SPEGNB: variants seen among roughly 807,000 people sequenced by gnomAD.
SPEGNB encodes the protein SPEG neighbor protein.
In SPEGNB, 12 loss-of-function variants were observed where a neutral mutation model predicts 18.3. The observed-to-expected ratio is 0.65, with a 90% CI of 0.42 to 1.06. The LOEUF is 1.06. SPEGNB is among the 50% of genes least tolerant of loss of function. The pLI is 0.00. For synonymous variants in SPEGNB, 113 were observed against 138.8 expected (o/e 0.81, Z 1.31); for missense variants, 273 against 329.3 (o/e 0.83, Z 1.32).
chr2:219,498,039 G>T lies in SPEGNB; in HGVS notation c.579-12G>T. 7.7e-7 allele frequency: 1 copy of T among 1,298,618 alleles called. No homozygotes were observed. The highest frequency in any genetic ancestry group is 1.0e-6 in the Non-Finnish European group (1 of 985,790). 80.4% of individuals were successfully genotyped at this position (1,298,618 alleles called of 1,614,324 possible). A position where few individuals can be genotyped will look rare whatever the true frequency, so the allele number is the denominator to read the frequency against. ...CCACGGCTCCGCCCTCCTCCCCGCC[G>T]CCCTTCCGCAGGGTGTTCTTCGAGA... On this transcript the variant is annotated splice_polypyrimidine_tract_variant and intron_variant, in intron 4 of 4. Transcript: ENST00000651166.
At position 219,496,303 on chromosome 2, in the gene SPEGNB, G is replaced by A. The variant is rs979940441; in HGVS notation, c.1-52G>A. ...TGACCAGGGAGGAAAAGGGCTGAAG[G>A]TGGGAGCCTCTGTCTCAACCTGGAC... On this transcript the variant is annotated intron_variant, in intron 1 of 4. Coordinates refer to ENST00000651166, the MANE Select transcript of SPEGNB (RefSeq NM_001286811.2). The A allele has an allele frequency of 7.8e-6, 9 of 1,159,794 alleles. No homozygotes were observed. The Admixed American group carries it at 1.3e-4, about 17-fold the overall frequency. The allele number at this position is 1,159,794 out of a possible 1,614,324, so 71.8% of individuals were successfully genotyped here.
chr2:219,497,883 A>C, intron 4 of SPEGNB, 22 bp downstream of exon 4: 1 of 1,303,062 alleles, frequency 7.7e-7, no homozygotes, highest in Non-Finnish European at 1.0e-6. Context: ...GACCTGCGGC[A>C]CGGCCAGGGC....
In SPEGNB at chr2:219,496,365, C is replaced by T; in HGVS notation, c.11C>T (p.Ala4Val). Reference protein sequence around the residue: MSKAAPAKKPVAVA... With the variant: MSKVAPAKKPVAVA... ...TCGCCCACTCCCCAGATGTCTAAAGCAGCTCCTGCCAAAAAGCCAGTGGCT... is the reference window on the plus strand; with the variant it reads ...TCGCCCACTCCCCAGATGTCTAAAGTAGCTCCTGCCAAAAAGCCAGTGGCT... Residue 4 changes from alanine (A) to valine (V), a missense_variant, in exon 2 of 5, where the codon GCA (alanine) becomes GTA (valine). Ala to Val is a moderately conservative substitution (Grantham distance 64). Transcript: ENST00000651166. The T allele has an allele frequency of 1.6e-6, 2 of 1,274,358 alleles. No homozygotes were observed. The highest frequency in any genetic ancestry group is 5.7e-5 in the East Asian group (1 of 17,498). The allele number at this position is 1,274,358 out of a possible 1,614,324, so 78.9% of individuals were successfully genotyped here. A position where few individuals can be genotyped will look rare whatever the true frequency, so the allele number is the denominator to read the frequency against.
chr2:219,496,952 G>A lies in SPEGNB; in HGVS notation c.272G>A (p.Gly91Asp). 2 of 1,303,414 alleles carry A rather than the reference G, an allele frequency of 1.5e-6. No individual in the cohort carries two copies. The highest frequency in any genetic ancestry group is 2.0e-6 in the Non-Finnish European group (2 of 987,970). The allele number at this position is 1,303,414 out of a possible 1,614,324, so 80.7% of individuals were successfully genotyped here. A position where few individuals can be genotyped will look rare whatever the true frequency, so the allele number is the denominator to read the frequency against. The stretch of plus-strand genomic sequence containing the variant: ...CCATTCATCCGCTGGAGTAAGGACG[G>A]CAAGGAGCTACGTGACGGTCCCAAG... ...PDPFIRWSKD[G>D]KELRDGPKYR... is the part of the protein sequence containing the mutation. The change falls in exon 3 of 5, where the codon GGC becomes GAC. Residue 91 changes from glycine to aspartate, a missense_variant. Coordinates refer to ENST00000651166, the MANE Select transcript of SPEGNB (RefSeq NM_001286811.2).
At position 219,497,784 on chromosome 2, in the gene SPEGNB, G is replaced by A; in HGVS notation, c.501G>A (p.Leu167=). 2.3e-6 allele frequency: 3 copies of A among 1,304,376 alleles called. No homozygotes were observed. Among genetic ancestry groups the A allele is most frequent in the Non-Finnish European group, 3.0e-6 (3 of 988,978 alleles). The allele number at this position is 1,304,376 out of a possible 1,614,324, so 80.8% of individuals were successfully genotyped here. A position where few individuals can be genotyped will look rare whatever the true frequency, so the allele number is the denominator to read the frequency against. Residue 167 remains leucine, a synonymous_variant, in exon 4 of 5, where the codon CTG becomes CTA. Coordinates refer to ENST00000651166, the MANE Select transcript of SPEGNB (RefSeq NM_001286811.2). Reference sequence around the variant, plus strand: ...CGCGCAAAGGCACCACCGTGACGCTGACTGCGGAGATCCTGGGAGAGCCTG... The same window carrying A: ...CGCGCAAAGGCACCACCGTGACGCTAACTGCGGAGATCCTGGGAGAGCCTG... ...TKARKGTTVT[L]TAEILGEPAP...
At position 219,497,077 on chromosome 2, in the gene SPEGNB, T is replaced by C. The variant is rs1371668973; in HGVS notation, c.397T>C (p.Phe133Leu). Residue 133 changes from phenylalanine (F) to leucine (L), a missense_variant, in exon 3 of 5, where the codon TTC (phenylalanine) becomes CTC (leucine). Phe to Leu is a conservative substitution (Grantham distance 22, BLOSUM62 0). Transcript: ENST00000651166. ...GTACAGCATCAACGTCACCAACCCC[T>C]TCGGCCAGTGCTCCGACTCGGCGCG... ...GQYSINVTNP[F>L]GQCSDSARIL... 1.6e-6 allele frequency: 2 copies of C among 1,233,426 alleles called. No homozygotes were observed. The highest frequency in any genetic ancestry group is 6.1e-5 in the East Asian group (1 of 16,436). 76.4% of individuals were successfully genotyped at this position (1,233,426 alleles called of 1,614,324 possible).
At chr2:219,496,681 T>A in intron 2 of SPEGNB, 128 bp from the exon 3 acceptor site, 1 of 1,014,254 alleles carries the variant, frequency 9.9e-7, no homozygotes, top group Non-Finnish European at 1.3e-6. Flanking sequence ...GCAGTCCTCT[T>A]CCCTACCAAG....
At position 219,496,827 on chromosome 2, in the gene SPEGNB, C is replaced by T. The variant is rs1694233864; in HGVS notation, c.147C>T (p.Arg49=). Reference sequence around the variant, plus strand: ...CGGGTAGGTCCCGGAAGGAGCTGCGCGAGAAGGGGCCGCCGCGGGTGCTGG... The same window carrying T: ...CGGGTAGGTCCCGGAAGGAGCTGCGTGAGAAGGGGCCGCCGCGGGTGCTGG... ...YRGHRSRKEL[R]EKGPPRVLEP... Residue 49 remains arginine, a synonymous_variant, in exon 3 of 5, where the codon CGC becomes CGT. Coordinates refer to ENST00000651166, the MANE Select transcript of SPEGNB (RefSeq NM_001286811.2). The T allele has an allele frequency of 3.2e-6, 4 of 1,248,318 alleles. No homozygotes were observed. Among genetic ancestry groups the T allele is most frequent in the Non-Finnish European group, 4.2e-6 (4 of 954,442 alleles). 77.3% of individuals were successfully genotyped at this position (1,248,318 alleles called of 1,614,324 possible). A position where few individuals can be genotyped will look rare whatever the true frequency, so the allele number is the denominator to read the frequency against.
intron 2 of SPEGNB, 116 bp from the exon 3 acceptor site, chr2:219,496,693 C>T: frequency 9.5e-7 from 1 of 1,048,470 alleles, no homozygotes. Context: ...CCTACCAAGC[C>T]ACACGTTTAG....
In SPEGNB at chr2:219,497,848, G is replaced by T; in HGVS notation, c.565G>T (p.Glu189Ter). 1 of 1,304,230 alleles carries T rather than the reference G, an allele frequency of 7.7e-7. No homozygotes were observed. Among genetic ancestry groups the T allele is most frequent in the Non-Finnish European group, 1.0e-6 (1 of 988,886 alleles). 80.8% of individuals were successfully genotyped at this position (1,304,230 alleles called of 1,614,324 possible). ...VGWTKDGEDI[E>*]EDDRVFFEIG... Reference sequence around the variant, plus strand: ...CTGGACCAAGGACGGGGAGGACATCGAGGAGGATGACAGGCGAGGGCCGGG... The same window carrying T: ...CTGGACCAAGGACGGGGAGGACATCTAGGAGGATGACAGGCGAGGGCCGGG... Residue 189 changes from glutamate to a stop codon, truncating the protein, a stop_gained, in exon 4 of 5, where the codon GAG becomes TAG. Transcript: ENST00000651166. LOFTEE classifies it high-confidence loss of function.
In SPEGNB at chr2:219,498,272, C is replaced by T; in HGVS notation, c.*83C>T. 1 of 1,213,684 alleles carries T rather than the reference C, an allele frequency of 8.2e-7. No individual in the cohort carries two copies. The highest frequency in any genetic ancestry group is 1.1e-6 in the Non-Finnish European group (1 of 935,118). 75.2% of individuals were successfully genotyped at this position (1,213,684 alleles called of 1,614,324 possible). ...CCCTCCACCAGCTTGCTTAATAAAG[C>T]TGCTCTCTGACCCTCCGCGTCTGTC... On this transcript the variant is annotated 3_prime_UTR_variant, in exon 5 of 5. Transcript: ENST00000651166.
chr2:219,497,652 C>T (rs1694255802), intron 3 of SPEGNB, 68 bp from the exon 4 acceptor site: 18 of 1,273,568 alleles, frequency 1.4e-5, no homozygotes, highest in Admixed American at 2.5e-5. Flanking sequence ...GGGTATTAGC[C>T]GGTGAGGTGA....
At position 219,496,498 on chromosome 2, in the gene SPEGNB, G is replaced by A. The variant is rs199969682; in HGVS notation, c.128+16G>A. ...GGGGCCACAGGTGAGAGGGAACCCC[G>A]GAGCCCTGTGGAGGAAGGGAGCTGC... On this transcript the variant is annotated intron_variant, in intron 2 of 4. Coordinates refer to ENST00000651166, the MANE Select transcript of SPEGNB (RefSeq NM_001286811.2). The A allele has an allele frequency of 1.6e-6, 2 of 1,225,642 alleles. No individual in the cohort carries two copies. The highest frequency in any genetic ancestry group is 2.1e-6 in the Non-Finnish European group (2 of 941,594). The allele number at this position is 1,225,642 out of a possible 1,614,324, so 75.9% of individuals were successfully genotyped here.
Position 219,497,870 on chromosome 2 carries a change from C to A in SPEGNB, c.578+9C>A. On this transcript the variant is annotated intron_variant, in intron 4 of 4. Transcript: ENST00000651166. ...ATCGAGGAGGATGACAGGCGAGGGC[C>A]GGGACCTGCGGCACGGCCAGGGCCT... 1 of 1,303,458 alleles carries A rather than the reference C, an allele frequency of 7.7e-7. No homozygotes were observed. The highest frequency in any genetic ancestry group is 1.0e-6 in the Non-Finnish European group (1 of 988,424). 80.7% of individuals were successfully genotyped at this position (1,303,458 alleles called of 1,614,324 possible). A position where few individuals can be genotyped will look rare whatever the true frequency, so the allele number is the denominator to read the frequency against.
At position 219,496,403 on chromosome 2, in the gene SPEGNB, C is replaced by T; in HGVS notation, c.49C>T (p.Pro17Ser). The T allele has an allele frequency of 4.7e-6, 6 of 1,289,996 alleles. No homozygotes were observed. The highest frequency in any genetic ancestry group is 1.2e-5 in the South Asian group (1 of 80,122). 79.9% of individuals were successfully genotyped at this position (1,289,996 alleles called of 1,614,324 possible). ...AKKPVAVAPA[P>S]GCTLDINDPQ... ...AAAGCCAGTGGCTGTGGCCCCAGCTCCTGGATGTACCCTGGACATCAATGA... is the reference window on the plus strand; with the variant it reads ...AAAGCCAGTGGCTGTGGCCCCAGCTTCTGGATGTACCCTGGACATCAATGA... The change falls in exon 2 of 5, where the codon CCT becomes TCT. Residue 17 changes from proline (P) to serine (S), a missense_variant. Coordinates refer to ENST00000651166, the MANE Select transcript of SPEGNB (RefSeq NM_001286811.2).
rs1464940943 is a variant in SPEGNB at position 219,498,189 on chromosome 2, A to G, written c.717A>G (p.Ter239TrpextTer31). Reference sequence around the variant, plus strand: ...GCTTCGCTCGCGTCGACGTGGCCTGAACGGCACCCCCGGACCTTCCGCCCT... The same window carrying G: ...GCTTCGCTCGCGTCGACGTGGCCTGGACGGCACCCCCGGACCTTCCGCCCT... ...DQSFARVDVA[*>W] is the part of the protein sequence containing the mutation. The change falls in exon 5 of 5, where the codon TGA (stop) becomes TGG (tryptophan). Residue 239 changes from the stop codon to tryptophan (W), a stop_lost. Coordinates refer to ENST00000651166, the MANE Select transcript of SPEGNB (RefSeq NM_001286811.2). The G allele has an allele frequency of 3.1e-6, 4 of 1,302,866 alleles. No homozygotes were observed. In the Admixed American group the frequency reaches 9.2e-5, roughly 30 times the overall value. 80.7% of individuals were successfully genotyped at this position (1,302,866 alleles called of 1,614,324 possible).
At chr2:219,497,524 C>G in intron 3 of SPEGNB, 196 bp from the exon 4 acceptor site, 1 of 590,202 alleles carries the variant, frequency 1.7e-6, no homozygotes. Context: ...TCTATTCGAC[C>G]CCGAGAAGTA....
At position 219,497,182 on chromosome 2, in the gene SPEGNB, G is replaced by A. The variant is rs944075527; in HGVS notation, c.436+66G>A. On this transcript the variant is annotated intron_variant, in intron 3 of 4. Coordinates refer to ENST00000651166, the MANE Select transcript of SPEGNB (RefSeq NM_001286811.2). ...ACCACTCAGCCAGAGCCCGCAGCCCGGTCCAGCTGCGCGTGTTTACCTCTG... is the reference window on the plus strand; with the variant it reads ...ACCACTCAGCCAGAGCCCGCAGCCCAGTCCAGCTGCGCGTGTTTACCTCTG... 1.6e-5 allele frequency: 18 copies of A among 1,095,942 alleles called. No individual in the cohort carries two copies. In the East Asian group the frequency reaches 3.1e-4, roughly 19 times the overall value. 67.9% of individuals were successfully genotyped at this position (1,095,942 alleles called of 1,614,324 possible). A position where few individuals can be genotyped will look rare whatever the true frequency, so the allele number is the denominator to read the frequency against.
At chr2:219,497,976 C>G (rs944013338) in intron 4 of SPEGNB, 75 bp from the exon 5 acceptor site, 3 of 1,271,944 alleles carry the variant, frequency 2.4e-6, no homozygotes, top group Non-Finnish European at 3.1e-6. Flanking sequence ...AGGAACAGAG[C>G]TGGCTAAGGA....
Sources: gnomAD v4.1 joint callset for allele counts on GRCh38, gnomAD v4.1.1 for gene constraint, MANE v1.5 for transcripts, NCBI Gene and HGNC (gene_info 2026-07-23, HGNC 2026-07-21) for gene names.